Variants in TOX2 observed in about 807,000 individuals in gnomAD.
TOX2 encodes granulosa cell HMG box 1.
In TOX2, 15 loss-of-function variants were observed where a neutral mutation model predicts 47.4. The observed-to-expected ratio is 0.32, with a 90% CI of 0.21 to 0.49. The LOEUF (loss-of-function observed/expected upper bound fraction) is 0.49, where lower values mean the gene tolerates loss of function less well. TOX2 is among the 20% of genes least tolerant of loss of function. TOX2 has a pLI of 0.99. For missense variants in TOX2, 622 were observed against 673.1 expected (o/e 0.92, Z 0.84); for synonymous variants, 290 against 296.6 (o/e 0.98, Z 0.23).
intron 3 of TOX2, chr20:44,039,174 G>A (rs1050611548): frequency 6.5e-5 from 83 of 1,269,230 alleles, no homozygotes; most frequent in Non-Finnish European, 7.4e-5. Context: ...GAAAGAGGGT[G>A]AGGCCAGAGG....
At chr20:44,031,806 G>A (rs2071157812) in intron 3 of TOX2, among the ~76,000 whole-genome samples, 1 of 152,120 alleles carries the variant, frequency 6.6e-6, no homozygotes, top group African/African-American at 2.4e-5. Flanking sequence ...AGTGGAGGGT[G>A]AAGGGAGGGG....
Position 43,973,725 on chromosome 20 carries a change from G to A in TOX2, c.165+293G>A, listed in dbSNP as rs112421290. Among the ~76,000 whole-genome samples, 557 of 152,338 alleles carry A rather than the reference G, an allele frequency of 3.7e-3. 4 individuals are homozygous for A. The highest frequency in any genetic ancestry group is 0.013 in the African/African-American group (521 of 41,570). Reference sequence around the variant, plus strand: ...CGCTTGGGGCAGCTTTTCAGCAGCAGTGAGTTGAGGTGCCTGCTGCTCTCT... The same window carrying A: ...CGCTTGGGGCAGCTTTTCAGCAGCAATGAGTTGAGGTGCCTGCTGCTCTCT... On this transcript the variant is annotated intron_variant, in intron 2 of 8. Coordinates refer to ENST00000341197, the MANE Select transcript of TOX2 (RefSeq NM_001098797.2).
chr20:43,929,442 C>G (rs1284840274), intron 1 of TOX2, among the ~76,000 whole-genome samples: 1 of 152,156 alleles, frequency 6.6e-6, no homozygotes, highest in Non-Finnish European at 1.5e-5. Context: ...CAGAGTCAGT[C>G]CCCCTCAGTG....
intron 3 of TOX2, among the ~76,000 whole-genome samples, chr20:44,041,179 C>T (rs1029225053): frequency 2.0e-5 from 3 of 152,176 alleles, no homozygotes; most frequent in Non-Finnish European, 2.9e-5. Context: ...CTTTAGCACC[C>T]CTGTGCCAGT....
intron 3 of TOX2, among the ~76,000 whole-genome samples, chr20:44,045,996 C>T (rs1197441528): frequency 6.6e-6 from 1 of 152,186 alleles, no homozygotes; most frequent in Non-Finnish European, 1.5e-5. Flanking sequence ...TTGGAGAATA[C>T]ATTTTAAAAC....
At chr20:43,926,748 G>C (rs542049760) in intron 1 of TOX2, among the ~76,000 whole-genome samples, 39 of 152,316 alleles carry the variant, frequency 2.6e-4, no homozygotes, top group Middle Eastern at 3.4e-3. Context: ...AAGGACCAAT[G>C]AAACATTCAG....
intron 1 of TOX2, among the ~76,000 whole-genome samples, chr20:43,964,846 C>T (rs2069823027): frequency 6.6e-6 from 1 of 152,250 alleles, no homozygotes; most frequent in South Asian, 2.1e-4. Context: ...GGCCAGTGCT[C>T]ACAGCAGCCT....
intron 1 of TOX2, among the ~76,000 whole-genome samples, chr20:43,960,992 G>A: frequency 6.6e-6 from 1 of 152,254 alleles, no homozygotes; most frequent in East Asian, 1.9e-4. Context: ...AGTGAGTGGT[G>A]CCTGTCTTTT....
At chr20:43,927,996 C>T (rs540177577) in intron 1 of TOX2, among the ~76,000 whole-genome samples, 1 of 152,234 alleles carries the variant, frequency 6.6e-6, no homozygotes, top group African/African-American at 2.4e-5. Context: ...GAGTGTGGGA[C>T]CACCAGGCTA....
intron 5 of TOX2, among the ~76,000 whole-genome samples, chr20:44,059,468 C>A (rs1456719440): frequency 1.3e-5 from 2 of 152,086 alleles, no homozygotes; most frequent in African/African-American, 4.8e-5. Flanking sequence ...GGAAAACTTC[C>A]CTGGCCTTGC....
At chr20:43,970,931 G>T (rs1410835215) in intron 1 of TOX2, among the ~76,000 whole-genome samples, 1 of 152,236 alleles carries the variant, frequency 6.6e-6, no homozygotes, top group Admixed American at 6.5e-5. Flanking sequence ...TGCAGCATGA[G>T]CTCTGTGTGC....
chr20:43,953,563 A>G (rs1169455435), intron 1 of TOX2, among the ~76,000 whole-genome samples: 1 of 152,132 alleles, frequency 6.6e-6, no homozygotes, highest in East Asian at 1.9e-4. Context: ...GTCTGTAGGA[A>G]TGCAGGGCAG....
At chr20:44,054,737 C>G (rs1267370203) in intron 5 of TOX2, among the ~76,000 whole-genome samples, 3 of 152,076 alleles carry the variant, frequency 2.0e-5, no homozygotes, top group Non-Finnish European at 4.4e-5. Context: ...CTTAACCACT[C>G]TGAACCTCTG....
chr20:43,974,625 A>C (rs2070041395), intron 2 of TOX2, among the ~76,000 whole-genome samples: 1 of 152,262 alleles, frequency 6.6e-6, no homozygotes, highest in East Asian at 1.9e-4. Flanking sequence ...CCCCTCAGCC[A>C]TCAGGCTGGG....
At chr20:44,019,003 G>A (rs6073284) in intron 3 of TOX2, among the ~76,000 whole-genome samples, 115,685 of 152,130 alleles carry the variant, frequency 0.76, 44,689 homozygotes, top group African/African-American at 0.9. Flanking sequence ...ACAGAGTGTG[G>A]GAATCAAACG....
At chr20:44,043,912 C>T (rs1256465999) in intron 3 of TOX2, among the ~76,000 whole-genome samples, 1 of 152,196 alleles carries the variant, frequency 6.6e-6, no homozygotes, top group Non-Finnish European at 1.5e-5. Flanking sequence ...ATGGACCCAG[C>T]CATCCCATTA....
intron 1 of TOX2, among the ~76,000 whole-genome samples, chr20:43,923,591 T>G (rs1270100972): frequency 6.6e-6 from 1 of 152,238 alleles, no homozygotes; most frequent in Non-Finnish European, 1.5e-5. Context: ...AGGATTGTCC[T>G]GCCTTAACTG....
intron 1 of TOX2, among the ~76,000 whole-genome samples, chr20:43,919,862 T>C (rs1411567357): frequency 6.6e-6 from 1 of 152,256 alleles, no homozygotes; most frequent in East Asian, 1.9e-4. Flanking sequence ...CTTGTTCCTT[T>C]TTATGGCTGC....
chr20:44,035,648 G>A (rs529555877), intron 3 of TOX2, among the ~76,000 whole-genome samples: 70 of 152,336 alleles, frequency 4.6e-4, no homozygotes, highest in Non-Finnish European at 6.2e-4. Flanking sequence ...GGAGGGAGAC[G>A]TGGCTGATGC....
Sources: allele counts gnomAD v4.1 joint callset (sites outside exome capture counted in the v4.1 genomes callset), GRCh38; gene constraint gnomAD v4.1.1; transcripts MANE v1.5; gene names NCBI Gene and HGNC (gene_info 2026-07-23, HGNC 2026-07-21).